Variants in CHLSN observed in about 807,000 individuals in gnomAD.
The protein encoded by CHLSN is protein cholesin.
At chr7:1,033,985 C>T in the CHLSN span, among the ~76,000 whole-genome samples, 2,988 of 152,294 alleles carry the variant, frequency 0.02, 107 homozygotes, top group African/African-American at 0.068. Context: ...AGGAAAAGGA[C>T]CAGAAAGGAA....
chr7:996,550 C>T, the CHLSN span, among the ~76,000 whole-genome samples: 2 of 152,208 alleles, frequency 1.3e-5, no homozygotes, highest in African/African-American at 2.4e-5. Context: ...AGGCCCAGAC[C>T]GGAGCCACTG....
chr7:1,083,338 G>C, the CHLSN span, among the ~76,000 whole-genome samples: 5 of 152,214 alleles, frequency 3.3e-5, no homozygotes, highest in Non-Finnish European at 5.9e-5. Flanking sequence ...GAAGATGAGA[G>C]TGTGGGCCGG....
the CHLSN span, chr7:1,021,404 T>C: frequency 3.0e-6 from 3 of 985,280 alleles, no homozygotes; most frequent in Non-Finnish European, 3.6e-6. Context: ...TGAACCAGAG[T>C]CGGAAGCTGA....
chr7:1,009,947 C>A, the CHLSN span: 1 of 1,546,770 alleles, frequency 6.5e-7, no homozygotes, highest in Non-Finnish European at 8.7e-7. Context: ...CAGGGCCGCT[C>A]ACCTGCAGAG....
the CHLSN span, chr7:984,627 C>T: frequency 2.0e-6 from 3 of 1,518,836 alleles, no homozygotes; most frequent in Non-Finnish European, 2.6e-6. Flanking sequence ...GCACCTGGAC[C>T]CCAGGAGGGG....
the CHLSN span, among the ~76,000 whole-genome samples, chr7:1,039,352 C>T: frequency 1.8e-5 from 1 of 56,934 alleles, no homozygotes; most frequent in Non-Finnish European, 3.5e-5. Flanking sequence ...GCCGCCCCGT[C>T]CGGGAGGGAG....
chr7:983,729 C>T, the CHLSN span, among the ~76,000 whole-genome samples: 410 of 152,338 alleles, frequency 2.7e-3, 2 homozygotes, highest in Non-Finnish European at 4.3e-3. Flanking sequence ...CTGGGCCTGT[C>T]GGCTGCCTGC....
chr7:1,129,482 G>C, the CHLSN span, among the ~76,000 whole-genome samples: 4 of 123,744 alleles, frequency 3.2e-5, 1 homozygote, highest in Non-Finnish European at 6.5e-5. Context: ...ATCCCACCCT[G>C]TCACTCGGGC....
At chr7:1,107,462 TC>T in the CHLSN span, among the ~76,000 whole-genome samples, 1 of 152,264 alleles carries the variant, frequency 6.6e-6, no homozygotes, top group Admixed American at 6.5e-5. Context: ...GGTAGCTTCT[TC>T]CCACTCTACA....
chr7:1,018,298 A>C, the CHLSN span, among the ~76,000 whole-genome samples: 1 of 152,130 alleles, frequency 6.6e-6, no homozygotes, highest in East Asian at 1.9e-4. Context: ...AAAAGTGACT[A>C]ACGAAAGCAC....
the CHLSN span, among the ~76,000 whole-genome samples, chr7:1,130,315 G>T: frequency 6.6e-6 from 1 of 152,230 alleles, no homozygotes; most frequent in South Asian, 2.1e-4. Flanking sequence ...GAGGGGCTGG[G>T]ATAGCAGGCC....
chr7:1,044,450 G>C, the CHLSN span: 3 of 139,148 alleles, frequency 2.2e-5, no homozygotes, highest in Non-Finnish European at 3.1e-5. Context: ...CGGTCTAGCC[G>C]CGAGGGCGGG....
the CHLSN span, among the ~76,000 whole-genome samples, chr7:1,119,207 G>T: frequency 3.3e-5 from 5 of 152,284 alleles, no homozygotes; most frequent in Admixed American, 3.3e-4. Flanking sequence ...CAGAGCTGGG[G>T]CAAGTAGATA....
the CHLSN span, chr7:1,026,236 C>T: frequency 3.3e-5 from 5 of 152,270 alleles, no homozygotes; most frequent in Admixed American, 1.3e-4. Context: ...TCACGACACT[C>T]CTCGTTTCTT....
At chr7:1,001,265 G>C in the CHLSN span, among the ~76,000 whole-genome samples, 3 of 152,202 alleles carry the variant, frequency 2.0e-5, no homozygotes, top group Admixed American at 6.5e-5. Context: ...GGCTCAGCAC[G>C]GGGGAGGGCC....
the CHLSN span, among the ~76,000 whole-genome samples, chr7:1,051,082 G>A: frequency 1.1e-3 from 164 of 152,346 alleles, no homozygotes; most frequent in Non-Finnish European, 1.9e-3. Context: ...CTGCGTCGCA[G>A]AGGGCACCAG....
At chr7:1,059,700 TAGTG>T in the CHLSN span, among the ~76,000 whole-genome samples, 3 of 19,440 alleles carry the variant, frequency 1.5e-4, no homozygotes, top group African/African-American at 3.9e-4. Flanking sequence ...GGCGGGTCTG[TAGTG>T]AGGTGGGTCT....
At chr7:998,297 G>A in the CHLSN span, among the ~76,000 whole-genome samples, 8 of 152,218 alleles carry the variant, frequency 5.3e-5, no homozygotes, top group African/African-American at 1.7e-4. Flanking sequence ...CTGCAGGCAC[G>A]TTTCCTCAGG....
chr7:1,054,376 A>G, the CHLSN span, among the ~76,000 whole-genome samples: 1 of 152,188 alleles, frequency 6.6e-6, no homozygotes, highest in Non-Finnish European at 1.5e-5. Flanking sequence ...ATCCTTCAGT[A>G]TTTGTCAGCT....
Sources: allele counts gnomAD v4.1 joint callset (sites outside exome capture counted in the v4.1 genomes callset), GRCh38; gene constraint gnomAD v4.1.1; transcripts MANE v1.5; gene names NCBI Gene and HGNC (gene_info 2026-07-23, HGNC 2026-07-21).